RBM18: variants seen among roughly 807,000 people sequenced by gnomAD.
RBM18 encodes the protein RNA binding motif protein 18.
Under a neutral mutation model 26.4 loss-of-function variants are expected in RBM18, and 18 were observed. The observed-to-expected ratio is 0.68, with a 90% confidence interval of 0.47 to 1.01. The LOEUF (loss-of-function observed/expected upper bound fraction) is 1.01, where lower values mean the gene tolerates loss of function less well. Among genes scored for constraint, RBM18 ranks in the 50% least tolerant of loss-of-function variants. The probability of loss-of-function intolerance (pLI) is 0.00; values close to 1 mark genes in which losing one functional copy is unlikely to be tolerated. For missense variants in RBM18, 180 were observed against 219.2 expected (o/e 0.82, Z 1.13); for synonymous variants, 74 against 81.1 (o/e 0.91, Z 0.47).
chr9:122,250,811 G>C (rs922164610), intron 3 of RBM18, among the ~76,000 whole-genome samples: 1 of 151,882 alleles, frequency 6.6e-6, no homozygotes, highest in Non-Finnish European at 1.5e-5. Flanking sequence ...CTGGGTATTA[G>C]GCCAAGTGAT....
rs979816683 is a variant in RBM18, at chr9:122,245,169, A to C, written c.413+87T>G. On this transcript the variant is annotated intron_variant, in intron 5 of 5. Coordinates refer to ENST00000417201, the MANE Select transcript of RBM18 (RefSeq NM_033117.4). ...GTTAATAAATTCTAAGAGTCTGAAG[A>C]CTCACTATTTTATGAACGAAGACAT... 6.4e-6 allele frequency: 5 copies of C among 775,352 alleles called. 1 individual carries two copies. Among genetic ancestry groups the C allele is most frequent in the Admixed American group, 6.3e-5 (3 of 48,000 alleles). The allele number at this position is 775,352 out of a possible 1,614,324, so 48.0% of individuals were successfully genotyped here.
chr9:122,248,819 G>A (rs1228817671), intron 3 of RBM18, among the ~76,000 whole-genome samples: 5 of 152,218 alleles, frequency 3.3e-5, no homozygotes, highest in Admixed American at 6.5e-5. Flanking sequence ...CCCAGGGAGC[G>A]GGAGAGGCTA....
chr9:122,246,649 G>C (rs1831510190), intron 4 of RBM18, among the ~76,000 whole-genome samples: 1 of 152,194 alleles, frequency 6.6e-6, no homozygotes, highest in African/African-American at 2.4e-5. Context: ...TAGTTTTTCA[G>C]CTTGGACATT....
At chr9:122,261,292 T>A (rs1208758163) in intron 2 of RBM18, 88 bp downstream of exon 2, 1 of 879,430 alleles carries the variant, frequency 1.1e-6, no homozygotes, top group African/African-American at 1.6e-5. Context: ...TCTAAGTATA[T>A]CCCACACCCC....
chr9:122,256,932 C>A (rs1053431756), intron 2 of RBM18, among the ~76,000 whole-genome samples: 1 of 152,142 alleles, frequency 6.6e-6, no homozygotes, highest in Non-Finnish European at 1.5e-5. Flanking sequence ...TGACAGGAAT[C>A]AGAATATAGT....
chr9:122,245,817 T>TA (rs1003763938), intron 4 of RBM18, among the ~76,000 whole-genome samples: 136 of 142,098 alleles, frequency 9.6e-4, no homozygotes, highest in Admixed American at 1.5e-3. Context: ...TGTCTCTATT[T>TA]AAAAAAAAAA....
intron 1 of RBM18, among the ~76,000 whole-genome samples, chr9:122,263,550 T>C (rs1831873749): frequency 6.6e-6 from 1 of 152,188 alleles, no homozygotes; most frequent in Non-Finnish European, 1.5e-5. Context: ...GTCCCTATCC[T>C]CTGGATGCTT....
At chr9:122,244,402 C>T (rs944247215) in intron 5 of RBM18, among the ~76,000 whole-genome samples, 1 of 152,152 alleles carries the variant, frequency 6.6e-6, no homozygotes, top group Admixed American at 6.5e-5. Flanking sequence ...TGCTCCTTCA[C>T]GTATTTTCTT....
chr9:122,248,365 T>C (rs1375644547), intron 3 of RBM18, among the ~76,000 whole-genome samples: 1 of 152,094 alleles, frequency 6.6e-6, no homozygotes, highest in Non-Finnish European at 1.5e-5. Flanking sequence ...TTCCGTTAGG[T>C]AGGGTAGCAC....
At chr9:122,257,551 T>C (rs940409197) in intron 2 of RBM18, among the ~76,000 whole-genome samples, 1 of 152,156 alleles carries the variant, frequency 6.6e-6, no homozygotes, top group Non-Finnish European at 1.5e-5. Flanking sequence ...AGGAGACTGA[T>C]AGACATCCTA....
At chr9:122,258,808 G>A (rs1263089521) in intron 2 of RBM18, among the ~76,000 whole-genome samples, 1 of 151,296 alleles carries the variant, frequency 6.6e-6, no homozygotes, top group Non-Finnish European at 1.5e-5. Context: ...AAACTAGCCA[G>A]GCATGGTGGC....
At chr9:122,247,446 T>G (rs1588379730) in intron 4 of RBM18, 72 bp downstream of exon 4, 1 of 1,275,686 alleles carries the variant, frequency 7.8e-7, no homozygotes, top group Non-Finnish European at 1.1e-6. Context: ...CATAAACGGG[T>G]AAGTGGACAA....
intron 4 of RBM18, among the ~76,000 whole-genome samples, chr9:122,246,455 G>A (rs946767657): frequency 2.0e-5 from 3 of 152,218 alleles, no homozygotes; most frequent in Non-Finnish European, 2.9e-5. Flanking sequence ...TTTCTCTTGC[G>A]TGCCTTTTCA....
chr9:122,245,176 AT>A, intron 5 of RBM18, 79 bp downstream of exon 5: 1 of 827,942 alleles, frequency 1.2e-6, no homozygotes, highest in South Asian at 1.5e-5. Flanking sequence ...AAGACTCACT[AT>A]TTTATGAACG....
rs1831381479 is a variant in RBM18, at chr9:122,239,726, G to C, written c.*2158C>G. The C allele has an allele frequency of 6.6e-6, 1 of 152,210 alleles. No individual in the cohort carries two copies. The highest frequency in any genetic ancestry group is 1.5e-5 in the Non-Finnish European group (1 of 68,034). The allele number at this position is 152,210 out of a possible 1,614,324, so 9.4% of individuals were successfully genotyped here. On this transcript the variant is annotated 3_prime_UTR_variant, in exon 6 of 6. Coordinates refer to ENST00000417201, the MANE Select transcript of RBM18 (RefSeq NM_033117.4). Reference sequence around the variant, plus strand: ...TACCACGAGAGACTAAACACAGTACGATACTTGCAGAGATTTCCATTAACA... The same window carrying C: ...TACCACGAGAGACTAAACACAGTACCATACTTGCAGAGATTTCCATTAACA...
Position 122,238,761 on chromosome 9 carries a change from T to C in RBM18, c.*3123A>G, listed in dbSNP as rs1240615560. The stretch of plus-strand genomic sequence containing the variant: ...TAAAATAATTTTTTTAAAAATTGCT[T>C]TGGCTACTGTGTGGAAAACGGACCC... On this transcript the variant is annotated 3_prime_UTR_variant, in exon 6 of 6. Coordinates refer to ENST00000417201, the MANE Select transcript of RBM18 (RefSeq NM_033117.4). 6.6e-6 allele frequency: 1 copy of C among 152,212 alleles called. No individual in the cohort carries two copies. Among genetic ancestry groups the C allele is most frequent in the Non-Finnish European group, 1.5e-5 (1 of 68,040 alleles). 9.4% of individuals were successfully genotyped at this position (152,212 alleles called of 1,614,324 possible).
At position 122,240,287 on chromosome 9, in the gene RBM18, C is replaced by T. The variant is rs1306192571; in HGVS notation, c.*1597G>A. ...TAATGCTCCTACCTCTCTGAACTAT[C>T]CCCCAAATAGGAGGAGAGTTACTTG... On this transcript the variant is annotated 3_prime_UTR_variant, in exon 6 of 6. Coordinates refer to ENST00000417201, the MANE Select transcript of RBM18 (RefSeq NM_033117.4). 6.6e-6 allele frequency: 1 copy of T among 152,134 alleles called. No homozygotes were observed. Among genetic ancestry groups the T allele is most frequent in the Non-Finnish European group, 1.5e-5 (1 of 68,036 alleles). The allele number at this position is 152,134 out of a possible 1,614,324, so 9.4% of individuals were successfully genotyped here. A position where few individuals can be genotyped will look rare whatever the true frequency, so the allele number is the denominator to read the frequency against.
In RBM18 at chr9:122,240,157, A is replaced by G. The variant is rs1831392543; in HGVS notation, c.*1727T>C. 6.6e-6 allele frequency: 1 copy of G among 152,258 alleles called. No homozygotes were observed. Among genetic ancestry groups the G allele is most frequent in the Non-Finnish European group, 1.5e-5 (1 of 68,042 alleles). The allele number at this position is 152,258 out of a possible 1,614,324, so 9.4% of individuals were successfully genotyped here. A position where few individuals can be genotyped will look rare whatever the true frequency, so the allele number is the denominator to read the frequency against. ...TTTCTAAGTTCCTATTAAAAATAGA[A>G]GACTATTTTGCACTATGTAAGTTCT... On this transcript the variant is annotated 3_prime_UTR_variant, in exon 6 of 6. Transcript: ENST00000417201.
intron 3 of RBM18, 82 bp from the exon 4 acceptor site, chr9:122,247,686 T>G: frequency 9.7e-7 from 1 of 1,029,434 alleles, no homozygotes; most frequent in South Asian, 1.3e-5. Flanking sequence ...TTCACTAGCT[T>G]TGATGGCTGA....
Sources: gnomAD v4.1 joint callset for allele counts (sites outside exome capture counted in the v4.1 genomes callset) on GRCh38, gnomAD v4.1.1 for gene constraint, MANE v1.5 for transcripts, NCBI Gene and HGNC (gene_info 2026-07-23, HGNC 2026-07-21) for gene names.